IPO7: variants seen among roughly 807,000 people sequenced by gnomAD.
The protein encoded by IPO7 is importin 7.
In IPO7, 13 loss-of-function variants were observed where a neutral mutation model predicts 136.4. That is an observed-to-expected ratio of 0.10 (90% CI 0.06 to 0.15). IPO7 has a LOEUF of 0.15. Ranked by LOEUF, IPO7 falls within the 10% of genes least tolerant of loss-of-function variation. IPO7 has a pLI of 1.00. For missense variants in IPO7, 857 were observed against 1,240.6 expected (o/e 0.69, Z 4.65); for synonymous variants, 403 against 404.4 (o/e 1.00, Z 0.04).
intron 1 of IPO7, among the ~76,000 whole-genome samples, chr11:9,390,486 A>G (rs929763817): frequency 1.3e-5 from 2 of 152,212 alleles, no homozygotes; most frequent in African/African-American, 4.8e-5. Context: ...ATAATTTGGA[A>G]TGTTTAGAAA....
chr11:9,396,493 C>T (rs1227681015), intron 1 of IPO7, among the ~76,000 whole-genome samples: 2 of 152,198 alleles, frequency 1.3e-5, no homozygotes, highest in African/African-American at 4.8e-5. Context: ...TTAGTATGTT[C>T]ACAGTTGTAC....
At chr11:9,397,804 TTTG>T (rs1458588679) in intron 1 of IPO7, among the ~76,000 whole-genome samples, 7 of 152,136 alleles carry the variant, frequency 4.6e-5, no homozygotes, top group Non-Finnish European at 7.3e-5. Flanking sequence ...GGATATAAAA[TTTG>T]TTATGTCTTG....
chr11:9,430,658 A>G lies in IPO7; in HGVS notation c.1753-217A>G, dbSNP rs1855281468. ...CTATGAAATCCCCGAAGTGGCATGC[A>G]GAAAAGGTCAAGAGAAGTCAAGTAG... On this transcript the variant is annotated intron_variant, in intron 15 of 24. Coordinates refer to ENST00000379719, the MANE Select transcript of IPO7 (RefSeq NM_006391.3). 1.5e-5 allele frequency: 7 copies of G among 476,260 alleles called. No homozygotes were observed. In the South Asian group the frequency reaches 1.8e-4, roughly 12 times the overall value. 29.5% of individuals were successfully genotyped at this position (476,260 alleles called of 1,614,324 possible).
chr11:9,411,987 A>G (rs1010200202), intron 4 of IPO7, among the ~76,000 whole-genome samples: 2 of 152,162 alleles, frequency 1.3e-5, no homozygotes, highest in African/African-American at 2.4e-5. Context: ...ATTAGTTCTC[A>G]CTTTTAGTGT....
intron 16 of IPO7, 79 bp downstream of exon 16, chr11:9,431,082 C>A: frequency 9.0e-7 from 1 of 1,108,766 alleles, no homozygotes; most frequent in South Asian, 1.5e-5. Flanking sequence ...TCTGGCATCT[C>A]ATGTACCATG....
At position 9,397,360 on chromosome 11, in the gene IPO7, AT is replaced by A. The variant is rs1321752888; in HGVS notation, c.85-5929del. ...AAAAAAAATATATATATATATATAT[AT>A]ATATTAGTCGGGCACGGTGGCAGGT... is the stretch of plus-strand genomic sequence containing the variant. On this transcript the variant is annotated intron_variant, in intron 1 of 24. Coordinates refer to ENST00000379719, the MANE Select transcript of IPO7 (RefSeq NM_006391.3). Among the ~76,000 whole-genome samples the A allele has an allele frequency of 4.8e-3, 205 of 42,434 alleles. 42 individuals carry two copies. The highest frequency in any genetic ancestry group is 0.018 in the African/African-American group (151 of 8,534). The allele number at this position is 42,434 out of a possible 152,430, so 27.8% of individuals were successfully genotyped here.
chr11:9,403,064 G>C, intron 1 of IPO7: 1 of 501,028 alleles, frequency 2.0e-6, no homozygotes, highest in Non-Finnish European at 3.5e-6. Context: ...TAAATGGGAA[G>C]TGCAGTGCTA....
At chr11:9,386,577 G>A (rs1854554894) in intron 1 of IPO7, among the ~76,000 whole-genome samples, 1 of 152,134 alleles carries the variant, frequency 6.6e-6, no homozygotes, top group Non-Finnish European at 1.5e-5. Flanking sequence ...AATTTTAAAA[G>A]TGAGTACTTG....
chr11:9,397,341 A>AAAAAAATATATATATATATAT, intron 1 of IPO7, among the ~76,000 whole-genome samples: 5 of 10,754 alleles, frequency 4.6e-4, no homozygotes, highest in Non-Finnish European at 7.3e-4. Flanking sequence ...TTTAAAAAAA[A>AAAAAAATATATATATATATAT]ATATATATAT....
chr11:9,414,264 A>G lies in IPO7; in HGVS notation c.489A>G (p.Lys163=). ...YQLVKNYEYK[K]PEERSPLVAA... ...GTATTCCTACTCAAAGGTATAAAAA[A>G]CCAGAGGAGCGGAGTCCATTGGTAG... Residue 163 remains lysine (K), a synonymous_variant, in exon 5 of 25, where the codon AAA becomes AAG. Coordinates refer to ENST00000379719, the MANE Select transcript of IPO7 (RefSeq NM_006391.3). The G allele has an allele frequency of 6.2e-7, 1 of 1,607,906 alleles. No homozygotes were observed. The highest frequency in any genetic ancestry group is 8.5e-7 in the Non-Finnish European group (1 of 1,178,320).
chr11:9,436,217 A>G, intron 19 of IPO7, 54 bp from the exon 20 acceptor site: 1 of 1,232,364 alleles, frequency 8.1e-7, no homozygotes, highest in Non-Finnish European at 1.2e-6. Flanking sequence ...CTTGATTTAG[A>G]TACCTGATTT....
intron 11 of IPO7, 22 bp downstream of exon 11, chr11:9,425,012 A>G: frequency 1.4e-6 from 2 of 1,478,838 alleles, no homozygotes; most frequent in Non-Finnish European, 1.9e-6. Context: ...TAATGTTTAG[A>G]TAACTTTTCT....
chr11:9,443,390 C>T (rs1453970973), intron 24 of IPO7, among the ~76,000 whole-genome samples: 2 of 145,836 alleles, frequency 1.4e-5, no homozygotes, highest in Admixed American at 6.8e-5. Context: ...GTTTAGAGTT[C>T]GAGACCAGCC....
intron 5 of IPO7, among the ~76,000 whole-genome samples, chr11:9,415,837 C>CAA (rs1199654733): frequency 6.9e-6 from 1 of 143,928 alleles, no homozygotes; most frequent in African/African-American, 2.6e-5. Flanking sequence ...GACTCCGTCC[C>CAA]AAAAAAAAAG....
At chr11:9,393,446 G>A (rs1168503397) in intron 1 of IPO7, among the ~76,000 whole-genome samples, 1 of 152,044 alleles carries the variant, frequency 6.6e-6, no homozygotes, top group Non-Finnish European at 1.5e-5. Context: ...GTGGCACAGT[G>A]ACAGCTCACT....
At chr11:9,415,282 A>G (rs1002033386) in intron 5 of IPO7, among the ~76,000 whole-genome samples, 15 of 151,764 alleles carry the variant, frequency 9.9e-5, no homozygotes, top group African/African-American at 7.3e-5. Context: ...AGATCACACC[A>G]TTGCACTCCA....
At position 9,418,714 on chromosome 11, in the gene IPO7, C is replaced by T. The variant is rs368122523; in HGVS notation, c.726+1566C>T. On this transcript the variant is annotated intron_variant, in intron 6 of 24. Coordinates refer to ENST00000379719, the MANE Select transcript of IPO7 (RefSeq NM_006391.3). The stretch of plus-strand genomic sequence containing the variant: ...CCTTTTTGTTGTACAATTTATAATC[C>T]GTGCACCGATTATAAATAAACAGTT... 2.8e-4 allele frequency among the ~76,000 whole-genome samples: 43 copies of T among 151,970 alleles called. No homozygotes were observed. The South Asian group carries it at 8.7e-3, about 31-fold the overall frequency.
chr11:9,422,210 C>T (rs372120192), intron 8 of IPO7, among the ~76,000 whole-genome samples: 6 of 152,072 alleles, frequency 3.9e-5, no homozygotes, highest in African/African-American at 7.2e-5. Flanking sequence ...ACCCAGGAGG[C>T]GGAGTTTGCG....
chr11:9,428,406 G>T, intron 12 of IPO7, 134 bp from the exon 13 acceptor site: 1 of 462,314 alleles, frequency 2.2e-6, no homozygotes. Context: ...AATTGGTTGT[G>T]GATTCTGGGG....
Sources: allele counts gnomAD v4.1 joint callset (sites outside exome capture counted in the v4.1 genomes callset), GRCh38; gene constraint gnomAD v4.1.1; transcripts MANE v1.5; gene names NCBI Gene and HGNC (gene_info 2026-07-23, HGNC 2026-07-21).